MRPL34: variants seen among roughly 807,000 people sequenced by gnomAD.
MRPL34 encodes the protein large ribosomal subunit protein bL34m.
A neutral mutation model predicts 6.7 loss-of-function variants in MRPL34; 8 were observed. The observed-to-expected ratio is 1.20, with a 90% confidence interval of 0.70 to 2.16. The LOEUF is 2.16. Among genes scored for constraint, MRPL34 ranks in the 30% most tolerant of loss-of-function variants. MRPL34 has a pLI of 0.00. For missense variants in MRPL34, 146 were observed against 125.5 expected, an observed-to-expected ratio of 1.16 and a Z score of -0.78; for synonymous variants, 59 against 55.1, an observed-to-expected ratio of 1.07 and a Z score of -0.31.
At chr19:17,294,402 C>G (rs2074084325) in intron 1 of MRPL34, 1 of 1,614,102 alleles carries the variant, frequency 6.2e-7, no homozygotes, top group Non-Finnish European at 8.5e-7. Context: ...CGGGCCAGTA[C>G]TGGCCGCTCA....
chr19:17,305,858 C>A (rs997250788), upstream of MRPL34: 23 of 1,603,690 alleles, frequency 1.4e-5, 1 homozygote, highest in Middle Eastern at 5.0e-4. Flanking sequence ...GCTCCGGAAT[C>A]GCCCGCAGCC....
At chr19:17,294,387 G>C in intron 1 of MRPL34, 1 of 1,613,964 alleles carries the variant, frequency 6.2e-7, no homozygotes, top group Non-Finnish European at 8.5e-7. Flanking sequence ...AGACCTCGTC[G>C]CCCTCGGGCC....
upstream of MRPL34, among the ~76,000 whole-genome samples, chr19:17,301,776 TTGTGTGTGTG>T (rs10679164): frequency 0.12 from 17,189 of 147,440 alleles, 1,159 homozygotes; most frequent in Middle Eastern, 0.18. Flanking sequence ...ATTTTTTTGT[TTGTGTGTGTG>T]TGTGTGTGTG....
intron 1 of MRPL34, chr19:17,296,744 G>A (rs2074095305): frequency 6.6e-6 from 1 of 151,018 alleles, no homozygotes; most frequent in African/African-American, 2.4e-5. Flanking sequence ...GCCCACGCTG[G>A]AGCACAGTGG....
exon 1 of MRPL34, chr19:17,292,643 G>T (rs2074075951): frequency 6.3e-7 from 1 of 1,598,198 alleles, no homozygotes; most frequent in Non-Finnish European, 8.5e-7. Flanking sequence ...ACCAAGCGAT[G>T]CCCCGCCGGC....
intron 1 of MRPL34, among the ~76,000 whole-genome samples, chr19:17,295,953 C>CT (rs1457008788): frequency 6.6e-5 from 10 of 151,740 alleles, no homozygotes; most frequent in African/African-American, 1.2e-4. Flanking sequence ...TCAAGTGATC[C>CT]TCTGGCCTTA....
chr19:17,301,199 T>G (rs1273331087), upstream of MRPL34: 1 of 1,602,502 alleles, frequency 6.2e-7, no homozygotes, highest in South Asian at 1.1e-5. Context: ...CCACTGCCGC[T>G]GCCGCTGCCT....
chr19:17,295,625 C>G (rs772742052), intron 1 of MRPL34, among the ~76,000 whole-genome samples: 1 of 152,038 alleles, frequency 6.6e-6, no homozygotes, highest in African/African-American at 2.4e-5. Context: ...TCAGGCTGGT[C>G]GAGAACTCCT....
chr19:17,294,142 T>G, intron 1 of MRPL34: 1 of 955,936 alleles, frequency 1.0e-6, no homozygotes, highest in Non-Finnish European at 1.5e-6. Context: ...ATACAGCAAC[T>G]AGAGGCCACG....
intron 1 of MRPL34, chr19:17,297,760 T>A (rs1286784549): frequency 7.8e-6 from 1 of 128,428 alleles, no homozygotes; most frequent in Non-Finnish European, 1.8e-5. Context: ...TTTTTTTTTT[T>A]ACTTTTTAGT....
upstream of MRPL34, chr19:17,301,375 C>T (rs778010815): frequency 3.1e-6 from 5 of 1,610,988 alleles, no homozygotes; most frequent in Non-Finnish European, 2.5e-6. Flanking sequence ...CACGGTGATC[C>T]GGCGCTGACA....
upstream of MRPL34, among the ~76,000 whole-genome samples, chr19:17,304,460 G>A (rs188430604): frequency 1.1e-3 from 163 of 152,286 alleles, 1 homozygote; most frequent in Middle Eastern, 3.4e-3. Context: ...TATTATAGTG[G>A]TGATGTTTTG....
intron 1 of MRPL34, chr19:17,296,671 T>C (rs2074094919): frequency 6.6e-6 from 1 of 152,060 alleles, no homozygotes; most frequent in Non-Finnish European, 1.5e-5. Flanking sequence ...CTTTTGGAGA[T>C]TTGAAAAATG....
chr19:17,306,469 C>A lies in MRPL34; in HGVS notation c.*90C>A. 3 of 1,227,348 alleles carry A rather than the reference C, an allele frequency of 2.4e-6. No homozygotes were observed. The East Asian group carries it at 7.7e-5, about 32-fold the overall frequency. 76.0% of individuals were successfully genotyped at this position (1,227,348 alleles called of 1,614,324 possible). A position where few individuals can be genotyped will look rare whatever the true frequency, so the allele number is the denominator to read the frequency against. On this transcript the variant is annotated 3_prime_UTR_variant, in exon 2 of 2. Coordinates refer to ENST00000252602, the MANE Select transcript of MRPL34 (RefSeq NM_023937.4). ...GCTATTTTTGCAGGGAGCTGGGGAG[C>A]AGGAACGCCTCGGACCTGAGTGCTC...
At chr19:17,294,832 T>C in intron 1 of MRPL34, 1 of 1,613,990 alleles carries the variant, frequency 6.2e-7, no homozygotes, top group Non-Finnish European at 8.5e-7. Context: ...GCCAGGAATG[T>C]GCAGAAAGAG....
chr19:17,301,202 C>T (rs946527902), upstream of MRPL34: 32 of 1,598,814 alleles, frequency 2.0e-5, no homozygotes, highest in Non-Finnish European at 2.7e-5. Context: ...CTGCCGCTGC[C>T]GCTGCCTGCG....
chr19:17,301,430 C>T (rs374386420), upstream of MRPL34: 2 of 1,611,864 alleles, frequency 1.2e-6, no homozygotes, highest in South Asian at 1.1e-5. Context: ...TCCGAGGATG[C>T]GGATGATGGT....
rs369521426 is a variant in MRPL34 at position 17,305,885 on chromosome 19, C to T, written c.-8C>T. On this transcript the variant is annotated 5_prime_UTR_variant, in exon 1 of 2. Transcript: ENST00000252602. ...CCCGCAGCCGGTACTGCGGGACCCACTGCGGATATGGCTGTCTTGGCTGGA... is the reference window on the plus strand; with the variant it reads ...CCCGCAGCCGGTACTGCGGGACCCATTGCGGATATGGCTGTCTTGGCTGGA... 2.8e-5 allele frequency: 45 copies of T among 1,613,954 alleles called. No individual in the cohort carries two copies. Among genetic ancestry groups the T allele is most frequent in the Non-Finnish European group, 3.8e-5 (45 of 1,179,974 alleles).
intron 1 of MRPL34, 24 bp downstream of exon 1, chr19:17,305,981 C>G (rs2074145300): frequency 6.2e-7 from 1 of 1,613,570 alleles, no homozygotes; most frequent in Admixed American, 1.7e-5. Flanking sequence ...GGGACCCTTC[C>G]CCAAATCAGG....
Sources: gnomAD v4.1 joint callset for allele counts (sites outside exome capture counted in the v4.1 genomes callset) on GRCh38, gnomAD v4.1.1 for gene constraint, MANE v1.5 for transcripts, NCBI Gene and HGNC (gene_info 2026-07-23, HGNC 2026-07-21) for gene names.